FRY: variants seen among roughly 807,000 people sequenced by gnomAD.
The protein encoded by FRY is protein furry homolog.
A neutral mutation model predicts 348.4 loss-of-function variants in FRY; 128 were observed. The observed-to-expected ratio is 0.37, with a 90% CI of 0.32 to 0.43. FRY has a LOEUF of 0.43. Ranked by LOEUF, FRY falls within the 20% of genes least tolerant of loss-of-function variation. The probability of loss-of-function intolerance (pLI) is 1.00; values close to 1 mark genes in which losing one functional copy is unlikely to be tolerated. For synonymous variants in FRY, 1,370 were observed against 1,374.7 expected, an observed-to-expected ratio of 1.00 and a Z score of 0.08; for missense variants, 2,736 against 3,695.2, an observed-to-expected ratio of 0.74 and a Z score of 6.73.
At chr13:32,190,512 C>T (rs1308762739) in intron 28 of FRY, among the ~76,000 whole-genome samples, 1 of 152,028 alleles carries the variant, frequency 6.6e-6, no homozygotes, top group Non-Finnish European at 1.5e-5. Flanking sequence ...TTCAGTACAG[C>T]AACGATGGGG....
At chr13:32,214,156 T>C (rs1480845399) in intron 35 of FRY, among the ~76,000 whole-genome samples, 1 of 152,192 alleles carries the variant, frequency 6.6e-6, no homozygotes, top group African/African-American at 2.4e-5. Flanking sequence ...TACTGTATTC[T>C]TTTTTTTCTA....
At chr13:32,064,037 C>A (rs392655) in intron 1 of FRY, among the ~76,000 whole-genome samples, 70,898 of 151,970 alleles carry the variant, frequency 0.47, 18,599 homozygotes, top group Non-Finnish European at 0.57. Context: ...ACGAATAAAG[C>A]AAATTCCTTG....
intron 28 of FRY, among the ~76,000 whole-genome samples, chr13:32,188,290 C>T (rs1018003003): frequency 6.6e-6 from 1 of 152,130 alleles, no homozygotes; most frequent in African/African-American, 2.4e-5. Flanking sequence ...GTCCTGGAAA[C>T]TTAACCATGT....
chr13:32,231,906 T>A (rs1039960138), intron 41 of FRY, among the ~76,000 whole-genome samples: 3 of 152,252 alleles, frequency 2.0e-5, no homozygotes, highest in Non-Finnish European at 4.4e-5. Flanking sequence ...CTACCTTTTT[T>A]TCCTCACACC....
At chr13:32,152,560 A>C (rs1880862926) in intron 14 of FRY, among the ~76,000 whole-genome samples, 1 of 152,204 alleles carries the variant, frequency 6.6e-6, no homozygotes, top group Non-Finnish European at 1.5e-5. Flanking sequence ...AATGGTGCTG[A>C]ACAATTGGAT....
intron 11 of FRY, among the ~76,000 whole-genome samples, chr13:32,138,761 T>G (rs1879877821): frequency 6.6e-6 from 1 of 152,084 alleles, no homozygotes; most frequent in Non-Finnish European, 1.5e-5. Flanking sequence ...GTGCTGAAAG[T>G]GGGAAGGAGT....
At chr13:32,251,378 A>G (rs1260901427) in intron 49 of FRY, among the ~76,000 whole-genome samples, 1 of 152,228 alleles carries the variant, frequency 6.6e-6, no homozygotes, top group Non-Finnish European at 1.5e-5. Flanking sequence ...GTATTCTTCT[A>G]TTTGAGAAAA....
At chr13:32,229,116 G>A (rs1341386549) in intron 40 of FRY, among the ~76,000 whole-genome samples, 1 of 152,216 alleles carries the variant, frequency 6.6e-6, no homozygotes, top group East Asian at 1.9e-4. Flanking sequence ...AGAGTCATTT[G>A]TAAAAGGCAG....
intron 2 of FRY, among the ~76,000 whole-genome samples, chr13:32,092,176 C>T (rs1290500245): frequency 6.6e-6 from 1 of 152,204 alleles, no homozygotes; most frequent in East Asian, 1.9e-4. Context: ...GGCAGTAATA[C>T]TTTGGATCTT....
chr13:32,293,970 C>T (rs1260696875), intron 59 of FRY, among the ~76,000 whole-genome samples: 2 of 152,088 alleles, frequency 1.3e-5, no homozygotes, highest in Admixed American at 6.6e-5. Flanking sequence ...ATGAGAAAAC[C>T]GAGGCACATA....
chr13:32,219,561 A>G (rs987227165), intron 36 of FRY, among the ~76,000 whole-genome samples: 1 of 148,910 alleles, frequency 6.7e-6, no homozygotes, highest in Non-Finnish European at 1.5e-5. Flanking sequence ...GATTGAGACC[A>G]TCCTGGCTAA....
At chr13:32,185,176 C>G in intron 26 of FRY, 28 bp downstream of exon 26, 1 of 1,603,602 alleles carries the variant, frequency 6.2e-7, no homozygotes, top group Non-Finnish European at 8.5e-7. Context: ...AAGAAATTAC[C>G]ATTCATGCTT....
chr13:32,142,161 T>C (rs1021341141), intron 11 of FRY, among the ~76,000 whole-genome samples: 1 of 152,184 alleles, frequency 6.6e-6, no homozygotes, highest in African/African-American at 2.4e-5. Flanking sequence ...AAGTGCTGTC[T>C]TCAAGTAGAG....
At chr13:32,234,987 A>G (rs1035195316) in intron 42 of FRY, among the ~76,000 whole-genome samples, 1 of 152,226 alleles carries the variant, frequency 6.6e-6, no homozygotes, top group Non-Finnish European at 1.5e-5. Flanking sequence ...TAAGCCAACA[A>G]CTGGAAATCC....
rs375484769 is a variant in FRY, at chr13:32,194,247, C to T, written c.3696C>T (p.Tyr1232=). The change falls in exon 29 of 61, where the codon TAC becomes TAT. Residue 1232 remains tyrosine, a synonymous_variant. Coordinates refer to ENST00000542859, the MANE Select transcript of FRY (RefSeq NM_023037.3). ...TTGACCGATGCTACACAGGTTCCTA[C>T]CAACTTGCATCTGGCTGCTTCAAAG... ...WAIDRCYTGS[Y]QLASGCFKAI... The T allele has an allele frequency of 1.6e-5, 26 of 1,614,040 alleles. No homozygotes were observed. The highest frequency in any genetic ancestry group is 2.1e-5 in the Non-Finnish European group (25 of 1,179,986).
At chr13:32,225,208 G>C (rs1885519415) in intron 38 of FRY, among the ~76,000 whole-genome samples, 172 bp downstream of exon 38, 1 of 152,066 alleles carries the variant, frequency 6.6e-6, no homozygotes. Flanking sequence ...TCAGCTACTT[G>C]GTCACTGTTT....
intron 59 of FRY, among the ~76,000 whole-genome samples, chr13:32,290,634 A>G (rs775528500): frequency 6.6e-6 from 1 of 152,146 alleles, no homozygotes; most frequent in Admixed American, 6.5e-5. Flanking sequence ...TTTCAGGTAG[A>G]TCTCTCTGGC....
At chr13:32,104,752 A>G (rs902141785) in intron 3 of FRY, among the ~76,000 whole-genome samples, 4 of 152,170 alleles carry the variant, frequency 2.6e-5, no homozygotes, top group South Asian at 2.1e-4. Context: ...GAGGTAATCA[A>G]ATCATGGGGG....
chr13:32,044,150 A>C (rs2138373832), intron 1 of FRY, among the ~76,000 whole-genome samples: 1 of 152,360 alleles, frequency 6.6e-6, no homozygotes, highest in Non-Finnish European at 1.5e-5. Flanking sequence ...TATTTGTTTA[A>C]TGCTATCCAA....
Sources: gnomAD v4.1 joint callset for allele counts (sites outside exome capture counted in the v4.1 genomes callset) on GRCh38, gnomAD v4.1.1 for gene constraint, MANE v1.5 for transcripts, NCBI Gene and HGNC (gene_info 2026-07-23, HGNC 2026-07-21) for gene names.